TRIM5: variants seen among roughly 807,000 people sequenced by gnomAD.
TRIM5 encodes tripartite motif-containing protein 5.
Under a neutral mutation model 35.6 loss-of-function variants are expected in TRIM5, and 31 were observed. That is an observed-to-expected ratio of 0.87 (90% CI 0.65 to 1.18). The LOEUF (loss-of-function observed/expected upper bound fraction) is 1.18. Ranked by LOEUF, TRIM5 falls within the 50% of genes most tolerant of loss-of-function variation. The probability of loss-of-function intolerance (pLI) is 0.00; values close to 1 mark genes in which losing one functional copy is unlikely to be tolerated. For missense variants in TRIM5, 609 were observed against 591.6 expected, an observed-to-expected ratio of 1.03 and a Z score of -0.31; for synonymous variants, 243 against 215.6, an observed-to-expected ratio of 1.13 and a Z score of -1.11.
At chr11:5,636,662 T>C in the TRIM5 span, among the ~76,000 whole-genome samples, 2 of 152,234 alleles carry the variant, frequency 1.3e-5, no homozygotes, top group African/African-American at 4.8e-5. Flanking sequence ...ATTTGTCCTA[T>C]TTCAGTCAGT....
At chr11:5,629,138 G>A in the TRIM5 span, among the ~76,000 whole-genome samples, 3 of 152,104 alleles carry the variant, frequency 2.0e-5, no homozygotes, top group African/African-American at 4.8e-5. Context: ...TTAGTTGGGC[G>A]TGGTGGCATA....
rs946713234 is a variant in TRIM5 at position 5,684,456 on chromosome 11, G to A, written c.-62+412C>T. On this transcript the variant is annotated intron_variant, in intron 1 of 7. Coordinates refer to ENST00000380034, the MANE Select transcript of TRIM5 (RefSeq NM_033034.3). ...GACAGGACTACAGAACTGGACAGCT[G>A]TCACACCATGAAGGCTGATGTCACA... Among the ~76,000 whole-genome samples the A allele has an allele frequency of 3.3e-5, 5 of 152,254 alleles. No individual in the cohort carries two copies. In the East Asian group the frequency reaches 9.7e-4, roughly 29 times the overall value.
the TRIM5 span, among the ~76,000 whole-genome samples, chr11:5,656,248 C>A: frequency 6.6e-6 from 1 of 152,076 alleles, no homozygotes; most frequent in Non-Finnish European, 1.5e-5. Context: ...TTTTTGCAAT[C>A]TATCTACCTG....
At chr11:5,671,036 G>T (rs1348597655) in intron 4 of TRIM5, among the ~76,000 whole-genome samples, 1 of 152,010 alleles carries the variant, frequency 6.6e-6, no homozygotes, top group Admixed American at 6.6e-5. Context: ...GACCAGCCTG[G>T]GCAACATGGT....
rs1185257570 is a variant in TRIM5 at position 5,679,661 on chromosome 11, C to T, written c.417+100G>A. 38 of 1,286,394 alleles carry T rather than the reference C, an allele frequency of 3.0e-5. No individual in the cohort carries two copies. The South Asian group carries it at 5.9e-4, about 20-fold the overall frequency. The allele number at this position is 1,286,394 out of a possible 1,614,324, so 79.7% of individuals were successfully genotyped here. A position where few individuals can be genotyped will look rare whatever the true frequency, so the allele number is the denominator to read the frequency against. ...GCATGAAAAAAATAATCCCGGGTCTCAGGTCTATCATGACAAGGCAGTTAA... is the reference window on the plus strand; with the variant it reads ...GCATGAAAAAAATAATCCCGGGTCTTAGGTCTATCATGACAAGGCAGTTAA... On this transcript the variant is annotated intron_variant, in intron 2 of 7. Transcript: ENST00000380034.
intron 4 of TRIM5, 46 bp downstream of exon 4, chr11:5,678,158 T>C (rs756686114): frequency 5.3e-6 from 8 of 1,517,474 alleles, no homozygotes; most frequent in African/African-American, 1.4e-5. Flanking sequence ...GAAATAGCCT[T>C]CACTTTTCTT....
At chr11:5,627,009 T>G in the TRIM5 span, among the ~76,000 whole-genome samples, 1 of 150,906 alleles carries the variant, frequency 6.6e-6, no homozygotes, top group Non-Finnish European at 1.5e-5. Context: ...AACAGGAGAG[T>G]GACATGATTG....
chr11:5,641,166 G>C, the TRIM5 span: 1 of 1,612,688 alleles, frequency 6.2e-7, no homozygotes, highest in Non-Finnish European at 8.5e-7. Context: ...TTTCTTTCTA[G>C]GACATGAGTG....
At chr11:5,622,914 C>T in the TRIM5 span, among the ~76,000 whole-genome samples, 1 of 152,208 alleles carries the variant, frequency 6.6e-6, no homozygotes, top group Admixed American at 6.5e-5. Flanking sequence ...TGGTTTTATA[C>T]ATTTGAGGGA....
At chr11:5,626,143 CTG>C in the TRIM5 span, among the ~76,000 whole-genome samples, 1 of 152,232 alleles carries the variant, frequency 6.6e-6, no homozygotes, top group Non-Finnish European at 1.5e-5. Context: ...TACATACTGA[CTG>C]TCTCCCAGAG....
At chr11:5,619,559 C>T in the TRIM5 span, among the ~76,000 whole-genome samples, 1 of 77,412 alleles carries the variant, frequency 1.3e-5, no homozygotes, top group South Asian at 3.5e-4. Flanking sequence ...GGGGCGGGGG[C>T]GGGGCCCTAA....
the TRIM5 span, chr11:5,605,453 GC>G: frequency 3.7e-6 from 6 of 1,614,192 alleles, no homozygotes; most frequent in South Asian, 6.6e-5. Context: ...AGAAGAAGGG[GC>G]TACGAATTAT....
chr11:5,610,034 A>T, the TRIM5 span: 1 of 1,107,130 alleles, frequency 9.0e-7, no homozygotes, highest in Non-Finnish European at 1.3e-6. Flanking sequence ...TGCTAAGTGT[A>T]TTCAGAAAGG....
chr11:5,610,918 A>C, the TRIM5 span: 415 of 1,614,182 alleles, frequency 2.6e-4, 1 homozygote, highest in Non-Finnish European at 3.6e-5. Context: ...CTGGGCTCCC[A>C]GCACTTCTCC....
At chr11:5,683,247 G>A (rs1010507890) in intron 1 of TRIM5, among the ~76,000 whole-genome samples, 16 of 152,208 alleles carry the variant, frequency 1.1e-4, no homozygotes, top group African/African-American at 3.4e-4. Flanking sequence ...CCTGCTCCAC[G>A]GCGCCCAGTC....
At position 5,669,879 on chromosome 11, in the gene TRIM5, G is replaced by C. The variant is rs555632374; in HGVS notation, c.745-2168C>G. On this transcript the variant is annotated intron_variant, in intron 4 of 7. Coordinates refer to ENST00000380034, the MANE Select transcript of TRIM5 (RefSeq NM_033034.3). ...AATCCCAGCTACTCAGGCGGCTGAG[G>C]CACAAGAATTGTTTGAACCCAGGAG... 85 of 186,170 alleles carry C rather than the reference G, an allele frequency of 4.6e-4. 2 individuals carry two copies. In the South Asian group the frequency reaches 5.6e-3, roughly 12 times the overall value. 11.5% of individuals were successfully genotyped at this position (186,170 alleles called of 1,614,324 possible).
At chr11:5,608,309 G>A in the TRIM5 span, 5 of 1,605,794 alleles carry the variant, frequency 3.1e-6, no homozygotes, top group Non-Finnish European at 4.3e-6. Flanking sequence ...GACATGGAAG[G>A]AGAAATGTGG....
the TRIM5 span, chr11:5,596,257 T>C: frequency 6.5e-6 from 1 of 152,678 alleles, no homozygotes; most frequent in Non-Finnish European, 1.5e-5. Context: ...GCTCTGCAGG[T>C]CGGGTTGGGG....
At chr11:5,666,428 C>T (rs945381965) in intron 5 of TRIM5, among the ~76,000 whole-genome samples, 1 of 151,814 alleles carries the variant, frequency 6.6e-6, no homozygotes, top group African/African-American at 2.4e-5. Context: ...ACTTTGGTGC[C>T]TTACAAAAGA....
Sources: gnomAD v4.1 joint callset for allele counts (sites outside exome capture counted in the v4.1 genomes callset) on GRCh38, gnomAD v4.1.1 for gene constraint, MANE v1.5 for transcripts, NCBI Gene and HGNC (gene_info 2026-07-23, HGNC 2026-07-21) for gene names.